MRAS: variants seen among roughly 807,000 people sequenced by gnomAD.
MRAS encodes the protein ras-related protein M-Ras.
A neutral mutation model predicts 20.9 loss-of-function variants in MRAS; 4 were observed. The observed-to-expected ratio is 0.19, with a 90% CI of 0.09 to 0.44. MRAS has a LOEUF of 0.44. MRAS is among the 20% of genes least tolerant of loss of function. MRAS has a pLI of 0.99. For missense variants in MRAS, 154 were observed against 277.5 expected (o/e 0.56, Z 3.16); for synonymous variants, 98 against 102.9 (o/e 0.95, Z 0.29).
At chr3:138,360,221 A>G (rs1272267510) in intron 1 of MRAS, among the ~76,000 whole-genome samples, 1 of 152,070 alleles carries the variant, frequency 6.6e-6, no homozygotes, top group Non-Finnish European at 1.5e-5. Context: ...AGCAGTTGAG[A>G]TGGGGGGATC....
chr3:138,361,666 C>T (rs1424034456), intron 1 of MRAS, among the ~76,000 whole-genome samples: 7 of 152,140 alleles, frequency 4.6e-5, no homozygotes, highest in Admixed American at 1.3e-4. Context: ...GAGGGCAAAG[C>T]GGAGTCAGAG....
rs1208800395 is a variant in MRAS, at chr3:138,403,633, C to T, written c.*1364C>T. ...CCCCAGCTCCCTGATGATGCTCACC[C>T]CCGCCCCCCCACCTCAGGTGCTGCT... On this transcript the variant is annotated 3_prime_UTR_variant, in exon 6 of 6. Coordinates refer to ENST00000423968, the MANE Select transcript of MRAS (RefSeq NM_001085049.3). The T allele has an allele frequency of 2.0e-5, 3 of 152,698 alleles. No homozygotes were observed. Among genetic ancestry groups the T allele is most frequent in the African/African-American group, 7.2e-5 (3 of 41,448 alleles). The allele number at this position is 152,698 out of a possible 1,614,324, so 9.5% of individuals were successfully genotyped here. A position where few individuals can be genotyped will look rare whatever the true frequency, so the allele number is the denominator to read the frequency against.
At chr3:138,389,355 G>A (rs1208134500) in intron 2 of MRAS, among the ~76,000 whole-genome samples, 2 of 151,654 alleles carry the variant, frequency 1.3e-5, no homozygotes, top group Non-Finnish European at 2.9e-5. Context: ...ATGGTGAGGA[G>A]CTGAGCCAGG....
intron 1 of MRAS, among the ~76,000 whole-genome samples, chr3:138,361,113 A>G (rs2054437741): frequency 6.6e-6 from 1 of 152,210 alleles, no homozygotes; most frequent in Admixed American, 6.5e-5. Flanking sequence ...AGATGGAAGC[A>G]AGGTGGCTCA....
chr3:138,360,907 T>C (rs2054432987), intron 1 of MRAS, among the ~76,000 whole-genome samples: 1 of 152,098 alleles, frequency 6.6e-6, no homozygotes, highest in African/African-American at 2.4e-5. Context: ...GCTCCTAGAT[T>C]TGAGGGCAGA....
chr3:138,380,565 C>T (rs907319421), intron 2 of MRAS, among the ~76,000 whole-genome samples: 2 of 152,158 alleles, frequency 1.3e-5, no homozygotes, highest in East Asian at 3.9e-4. Context: ...CCCACCTCGG[C>T]CTCCTAAAGT....
intron 1 of MRAS, among the ~76,000 whole-genome samples, chr3:138,356,723 C>T (rs992413546): frequency 1.3e-5 from 2 of 152,222 alleles, no homozygotes; most frequent in Non-Finnish European, 2.9e-5. Flanking sequence ...AGCCTTCCCT[C>T]TCCACCCACA....
chr3:138,377,536 G>A (rs896504948), intron 2 of MRAS, among the ~76,000 whole-genome samples: 4 of 152,208 alleles, frequency 2.6e-5, no homozygotes, highest in Non-Finnish European at 1.5e-5. Context: ...CCCAGGAGGC[G>A]GAGGTTGCAG....
At chr3:138,390,448 AACGCAC>A (rs1383208472) in intron 2 of MRAS, among the ~76,000 whole-genome samples, 2 of 152,006 alleles carry the variant, frequency 1.3e-5, no homozygotes, top group Non-Finnish European at 2.9e-5. Context: ...CTCTCTCACA[AACGCAC>A]ACGCACACGC....
In MRAS at chr3:138,402,254, A is replaced by G. The variant is rs1164718590; in HGVS notation, c.612A>G (p.Gln204=). Residue 204 remains glutamine, a synonymous_variant, in exon 6 of 6, where the codon CAA becomes CAG. Transcript: ENST00000423968. ...GDRATGTHKL[Q]CVIL Reference sequence around the variant, plus strand: ...GGGCCACAGGCACCCACAAACTGCAATGTGTGATCTTGTGACAGGCCTGAG... The same window carrying G: ...GGGCCACAGGCACCCACAAACTGCAGTGTGTGATCTTGTGACAGGCCTGAG... The G allele has an allele frequency of 3.1e-6, 5 of 1,614,142 alleles. No homozygotes were observed. The highest frequency in any genetic ancestry group is 1.3e-5 in the African/African-American group (1 of 75,062).
At chr3:138,362,983 A>G (rs949437464) in intron 1 of MRAS, among the ~76,000 whole-genome samples, 4 of 151,408 alleles carry the variant, frequency 2.6e-5, no homozygotes, top group South Asian at 2.1e-4. Flanking sequence ...CATGCATTAC[A>G]CTTTTGTCGC....
At chr3:138,356,213 C>G (rs1012827172) in intron 1 of MRAS, among the ~76,000 whole-genome samples, 3 of 152,188 alleles carry the variant, frequency 2.0e-5, no homozygotes, top group South Asian at 2.1e-4. Context: ...GTATATTAGG[C>G]TGGCCCTAGT....
chr3:138,376,556 A>C (rs570030186), intron 2 of MRAS, among the ~76,000 whole-genome samples: 9 of 152,364 alleles, frequency 5.9e-5, no homozygotes, highest in Admixed American at 2.0e-4. Flanking sequence ...ATATATGTGT[A>C]GTGAAAGGTT....
At position 138,363,123 on chromosome 3, in the gene MRAS, G is replaced by A. The variant is rs979006087; in HGVS notation, c.-18-9743G>A. 3.3e-5 allele frequency among the ~76,000 whole-genome samples: 5 copies of A among 151,588 alleles called. No individual in the cohort carries two copies. The South Asian group carries it at 1.0e-3, about 32-fold the overall frequency. On this transcript the variant is annotated intron_variant, in intron 1 of 5. Transcript: ENST00000423968. ...ATGATCTCGGCCCACAGCAACCTCC[G>A]CCTCCCCAGTTCAAGTGATTCTTCC...
At chr3:138,356,203 G>A (rs1027471924) in intron 1 of MRAS, among the ~76,000 whole-genome samples, 2 of 152,196 alleles carry the variant, frequency 1.3e-5, no homozygotes, top group South Asian at 2.1e-4. Flanking sequence ...TTGGCATACT[G>A]TATATTAGGC....
chr3:138,378,093 C>G (rs2054821967), intron 2 of MRAS, among the ~76,000 whole-genome samples: 1 of 152,156 alleles, frequency 6.6e-6, no homozygotes, highest in Non-Finnish European at 1.5e-5. Context: ...GAGCTGAAGT[C>G]CCAGGAAGAA....
chr3:138,368,902 G>A (rs1412825098), intron 1 of MRAS, among the ~76,000 whole-genome samples: 1 of 152,162 alleles, frequency 6.6e-6, no homozygotes, highest in African/African-American at 2.4e-5. Context: ...GGGTTTTGGG[G>A]GGGGCCGGAG....
At chr3:138,397,212 C>A in intron 2 of MRAS, 112 bp from the exon 3 acceptor site, 2 of 1,319,940 alleles carry the variant, frequency 1.5e-6, no homozygotes, top group Non-Finnish European at 2.1e-6. Context: ...CACGGGACAG[C>A]TCGGACTGGG....
chr3:138,400,502 C>T (rs1168615036), intron 4 of MRAS, 32 bp from the exon 5 acceptor site: 1 of 1,573,366 alleles, frequency 6.4e-7, no homozygotes, highest in Non-Finnish European at 8.7e-7. Context: ...GATCTCTGTG[C>T]CACTTTGATC....
Sources: allele counts gnomAD v4.1 joint callset (sites outside exome capture counted in the v4.1 genomes callset), GRCh38; gene constraint gnomAD v4.1.1; transcripts MANE v1.5; gene names NCBI Gene and HGNC (gene_info 2026-07-23, HGNC 2026-07-21).